The following ST3GAL1 variants were observed in gnomAD, a reference collection of about 807,000 sequenced individuals.
The protein encoded by ST3GAL1 is CMP-N-acetylneuraminate-beta-galactosamide-alpha-2,3-sialyltransferase 1.
Under a neutral mutation model 34.1 loss-of-function variants are expected in ST3GAL1, and 16 were observed. The ratio of observed to expected loss-of-function variants is 0.47; its 90% CI spans 0.32 to 0.71. The LOEUF (loss-of-function observed/expected upper bound fraction) is 0.71. Ranked by LOEUF, ST3GAL1 falls within the 30% of genes least tolerant of loss-of-function variation. The pLI is 0.04. For missense variants in ST3GAL1, 353 were observed against 447.4 expected (o/e 0.79, Z 1.90); for synonymous variants, 191 against 184.7 (o/e 1.03, Z -0.28).
At chr8:133,549,316 C>T (rs1205952994) in intron 1 of ST3GAL1, among the ~76,000 whole-genome samples, 1 of 151,574 alleles carries the variant, frequency 6.6e-6, no homozygotes, top group Non-Finnish European at 1.5e-5. Context: ...GCAGGAGAAT[C>T]ACTAGAACCC....
At position 133,461,902 on chromosome 8, in the gene ST3GAL1, G is replaced by A; in HGVS notation, c.822C>T (p.Val274=). 6.2e-7 allele frequency: 1 copy of A among 1,614,164 alleles called. No individual in the cohort carries two copies. ...GRYPSTGILS[V]IFSMHVCDEV... Reference sequence around the variant, plus strand: ...CATCGCAGACATGCATTGAGAAGATGACCGAGAGGATGCCGGTAGATGGGT... The same window carrying A: ...CATCGCAGACATGCATTGAGAAGATAACCGAGAGGATGCCGGTAGATGGGT... Residue 274 remains valine, a synonymous_variant, in exon 9 of 10, where the codon GTC becomes GTT. Coordinates refer to ENST00000522652, the MANE Select transcript of ST3GAL1 (RefSeq NM_173344.3). This position sits in a 1 kb window ranked among gnomAD's most constrained non-coding sequence, Gnocchi z 4.7.
At chr8:133,497,824 T>A (rs944416577) in intron 3 of ST3GAL1, among the ~76,000 whole-genome samples, 15 of 151,990 alleles carry the variant, frequency 9.9e-5, no homozygotes, top group Admixed American at 9.2e-4. Flanking sequence ...CTGCAGACAC[T>A]TGGAGGTAAC....
intron 2 of ST3GAL1, among the ~76,000 whole-genome samples, chr8:133,524,145 G>T (rs182180348): frequency 4.6e-5 from 7 of 152,214 alleles, no homozygotes; most frequent in Admixed American, 6.5e-5. Context: ...CTTGACTCTC[G>T]CTGGCCCTCT....
At chr8:133,497,466 T>C (rs1816993070) in intron 3 of ST3GAL1, among the ~76,000 whole-genome samples, 1 of 126,458 alleles carries the variant, frequency 7.9e-6, no homozygotes, top group East Asian at 2.1e-4. Flanking sequence ...ATTTTTTTTT[T>C]TTTTTTTTTT....
intron 2 of ST3GAL1, among the ~76,000 whole-genome samples, chr8:133,521,298 T>C (rs1191711476): frequency 6.6e-6 from 1 of 151,780 alleles, no homozygotes; most frequent in Non-Finnish European, 1.5e-5. Context: ...CACACCCAGC[T>C]AATTTTTGGG....
At chr8:133,552,503 C>T (rs1215536727) in intron 1 of ST3GAL1, among the ~76,000 whole-genome samples, 1 of 152,182 alleles carries the variant, frequency 6.6e-6, no homozygotes, top group East Asian at 1.9e-4. Flanking sequence ...CCAGGAATGA[C>T]ATGGTTCATG....
At chr8:133,529,868 T>C (rs137974666) in intron 2 of ST3GAL1, among the ~76,000 whole-genome samples, 1 of 152,316 alleles carries the variant, frequency 6.6e-6, no homozygotes, top group Non-Finnish European at 1.5e-5. Flanking sequence ...TCTCTGCTCA[T>C]CTTTCTCTTC....
chr8:133,507,834 G>T (rs114192670), intron 2 of ST3GAL1, among the ~76,000 whole-genome samples: 66 of 152,294 alleles, frequency 4.3e-4, no homozygotes, highest in African/African-American at 1.5e-3. Flanking sequence ...CTACCTGGAA[G>T]GTGCTGGGTC....
intron 8 of ST3GAL1, 33 bp from the exon 9 acceptor site, chr8:133,462,027 G>T (rs375454960): frequency 3.6e-5 from 58 of 1,613,412 alleles, no homozygotes; most frequent in Non-Finnish European, 4.8e-5. Context: ...CCCTTAGTGA[G>T]TTCTGGGGGG....
At position 133,466,652 on chromosome 8, in the gene ST3GAL1, G is replaced by A. The variant is rs1032959811; in HGVS notation, c.307-562C>T. Among the ~76,000 whole-genome samples, 1 of 152,220 alleles carries A rather than the reference G, an allele frequency of 6.6e-6. No individual in the cohort carries two copies. The highest frequency in any genetic ancestry group is 1.5e-5 in the Non-Finnish European group (1 of 68,036). Reference sequence around the variant, plus strand: ...TCTCCAGCCCCGGCCAGGGATGGGGGACAGAGCAGTAGGGACATCTGCCAT... The same window carrying A: ...TCTCCAGCCCCGGCCAGGGATGGGGAACAGAGCAGTAGGGACATCTGCCAT... On this transcript the variant is annotated intron_variant, in intron 5 of 9. Coordinates refer to ENST00000522652, the MANE Select transcript of ST3GAL1 (RefSeq NM_173344.3). This position sits in a 1 kb window ranked among gnomAD's most constrained non-coding sequence, Gnocchi z 4.4.
Position 133,564,599 on chromosome 8 carries a change from A to C in ST3GAL1, c.-582+7094T>G, listed in dbSNP as rs146749825. 1.1e-3 allele frequency among the ~76,000 whole-genome samples: 163 copies of C among 152,108 alleles called. 2 individuals carry two copies. In the East Asian group the frequency reaches 0.028, roughly 26 times the overall value. On this transcript the variant is annotated intron_variant, in intron 1 of 9. Transcript: ENST00000522652. ...AAACATCGTCAGAATAACTGGAAGA[A>C]AGAAACTTTTAACCTACAAATATTC...
intron 2 of ST3GAL1, among the ~76,000 whole-genome samples, chr8:133,502,299 C>G (rs533498337): frequency 2.0e-5 from 3 of 152,120 alleles, no homozygotes; most frequent in African/African-American, 7.2e-5. Context: ...CACACCCCCA[C>G]CAAATTCATA....
rs1289555427 is a variant in ST3GAL1, at chr8:133,466,330, A to AC, written c.307-241dup. 6.6e-6 allele frequency among the ~76,000 whole-genome samples: 1 copy of AC among 152,148 alleles called. No individual in the cohort carries two copies. Among genetic ancestry groups the AC allele is most frequent in the East Asian group, 1.9e-4 (1 of 5,188 alleles). ...TGTATTCTGCAAGTGTTTACTGAGCACCTACCATGTGCCAGGCACTGCTGA... is the reference window on the plus strand; with the variant it reads ...TGTATTCTGCAAGTGTTTACTGAGCACCCTACCATGTGCCAGGCACTGCTGA... On this transcript the variant is annotated intron_variant, in intron 5 of 9. Transcript: ENST00000522652. This position sits in a 1 kb window ranked among gnomAD's most constrained non-coding sequence, Gnocchi z 4.4.
chr8:133,465,022 G>T, intron 6 of ST3GAL1, 65 bp from the exon 7 acceptor site: 1 of 1,511,532 alleles, frequency 6.6e-7, no homozygotes, highest in Non-Finnish European at 9.0e-7. Context: ...CAGCCTGAGA[G>T]CTCCGAGAGA....
intron 3 of ST3GAL1, among the ~76,000 whole-genome samples, chr8:133,498,471 GTGCCC>G (rs1181546242): frequency 6.6e-6 from 1 of 152,112 alleles, no homozygotes; most frequent in Admixed American, 6.5e-5. Flanking sequence ...GCTAGGGCAG[GTGCCC>G]TCAGATCTGT....
intron 2 of ST3GAL1, among the ~76,000 whole-genome samples, chr8:133,529,450 C>T (rs989863262): frequency 3.9e-5 from 6 of 152,110 alleles, no homozygotes; most frequent in African/African-American, 1.4e-4. Context: ...AATTGAGAGG[C>T]CCAGCTAACA....
chr8:133,462,092 AGCC>A, intron 8 of ST3GAL1, 98 bp from the exon 9 acceptor site: 1 of 1,556,606 alleles, frequency 6.4e-7, no homozygotes, highest in Non-Finnish European at 8.7e-7. Flanking sequence ...ATGGAGGCAC[AGCC>A]ATGAGCCTAA....
intron 2 of ST3GAL1, among the ~76,000 whole-genome samples, chr8:133,529,211 G>A (rs1007746599): frequency 6.6e-6 from 1 of 152,216 alleles, no homozygotes; most frequent in African/African-American, 2.4e-5. Context: ...AGTGCTTAAG[G>A]TGACGCAGAT....
At chr8:133,557,383 G>A (rs1819073973) in intron 1 of ST3GAL1, among the ~76,000 whole-genome samples, 1 of 152,154 alleles carries the variant, frequency 6.6e-6, no homozygotes, top group South Asian at 2.1e-4. Flanking sequence ...GTGCAGGAGG[G>A]CACAGAAGGC....
Sources: gnomAD v4.1 joint callset for allele counts (sites outside exome capture counted in the v4.1 genomes callset) on GRCh38, gnomAD v4.1.1 for gene constraint, Gnocchi (gnomAD v3.1) non-coding constraint, MANE v1.5 for transcripts, NCBI Gene and HGNC (gene_info 2026-07-23, HGNC 2026-07-21) for gene names.